Variants in MBTPS1 observed in about 807,000 individuals in gnomAD.
MBTPS1 encodes the protein membrane-bound transcription factor site-1 protease.
A neutral mutation model predicts 127.8 loss-of-function variants in MBTPS1; 94 were observed. That is an observed-to-expected ratio of 0.74 (90% confidence interval 0.62 to 0.87). The LOEUF is 0.87. Among genes scored for constraint, MBTPS1 ranks in the 40% least tolerant of loss-of-function variants. The probability of loss-of-function intolerance (pLI) is 0.00; values close to 1 mark genes in which losing one functional copy is unlikely to be tolerated. For missense variants in MBTPS1, 1,636 were observed against 1,353.2 expected (o/e 1.21, Z -3.28); for synonymous variants, 632 against 509.4 (o/e 1.24, Z -3.24).
intron 1 of MBTPS1, among the ~76,000 whole-genome samples, chr16:84,110,558 A>T (rs550372132): frequency 1.3e-5 from 2 of 152,360 alleles, no homozygotes; most frequent in South Asian, 4.1e-4. Context: ...CGTCTAACAA[A>T]TCCAAAATAA....
intron 14 of MBTPS1, 46 bp from the exon 15 acceptor site, chr16:84,068,500 G>C: frequency 3.1e-6 from 4 of 1,306,684 alleles, no homozygotes; most frequent in Non-Finnish European, 4.4e-6. Flanking sequence ...ATCTTTACTG[G>C]CAATAAAGGC....
rs1597327148 is a variant in MBTPS1 at position 84,081,706 on chromosome 16, G to C, written c.1448+41C>G. On this transcript the variant is annotated intron_variant, in intron 11 of 22. Transcript: ENST00000343411. ...AGAGGGAAAATTCGCCCAGAGCCCA[G>C]TGAAGGAGAGAAAGACCCATCGGCA... 5.3e-6 allele frequency: 7 copies of C among 1,317,182 alleles called. No individual in the cohort carries two copies. In the East Asian group the frequency reaches 2.0e-4, roughly 37 times the overall value. 81.6% of individuals were successfully genotyped at this position (1,317,182 alleles called of 1,614,324 possible). A position where few individuals can be genotyped will look rare whatever the true frequency, so the allele number is the denominator to read the frequency against.
intron 1 of MBTPS1, among the ~76,000 whole-genome samples, chr16:84,116,452 G>A (rs945654837): frequency 2.0e-5 from 3 of 152,232 alleles, no homozygotes; most frequent in African/African-American, 7.2e-5. Context: ...GAGGCTCCGG[G>A]CCAGAGCAGG....
chr16:84,069,754 G>C (rs2085742704), intron 14 of MBTPS1, 112 bp downstream of exon 14: 4 of 1,030,562 alleles, frequency 3.9e-6, no homozygotes, highest in South Asian at 3.2e-5. Flanking sequence ...CGTCATCAGA[G>C]TCCAGGCTCC....
intron 2 of MBTPS1, among the ~76,000 whole-genome samples, chr16:84,100,999 C>CAAAAAAAA (rs562200642): frequency 2.9e-5 from 2 of 68,552 alleles, no homozygotes; most frequent in Admixed American, 1.7e-4. Context: ...ACTAAAAATA[C>CAAAAAAAA]AAAAAAAAAA....
chr16:84,056,339 C>G lies in MBTPS1; in HGVS notation c.2832-204G>C, dbSNP rs142404498. 3,696 of 516,452 alleles carry G rather than the reference C, an allele frequency of 7.2e-3. 21 individuals carry two copies. The highest frequency in any genetic ancestry group is 0.018 in the Middle Eastern group (34 of 1,872). The allele number at this position is 516,452 out of a possible 1,614,324, so 32.0% of individuals were successfully genotyped here. A position where few individuals can be genotyped will look rare whatever the true frequency, so the allele number is the denominator to read the frequency against. On this transcript the variant is annotated intron_variant, in intron 21 of 22. Coordinates refer to ENST00000343411, the MANE Select transcript of MBTPS1 (RefSeq NM_003791.4). ...CGTCCCGAGGGAGAAAGATCAAAAT[C>G]AAGTCCCTGTTCATGAGATTCTACT... is the stretch of plus-strand genomic sequence containing the variant.
intron 9 of MBTPS1, 61 bp downstream of exon 9, chr16:84,087,297 G>A (rs1217624099): frequency 2.3e-6 from 3 of 1,301,708 alleles, no homozygotes; most frequent in South Asian, 1.2e-5. Flanking sequence ...TCAACAACCG[G>A]TGCCACTAGC....
At chr16:84,066,157 C>A (rs2085680344) in intron 17 of MBTPS1, among the ~76,000 whole-genome samples, 1 of 152,210 alleles carries the variant, frequency 6.6e-6, no homozygotes, top group Non-Finnish European at 1.5e-5. Flanking sequence ...TGTGGGGGAA[C>A]TTCCTACACG....
At chr16:84,078,810 T>C (rs1392822284) in intron 11 of MBTPS1, among the ~76,000 whole-genome samples, 3 of 152,212 alleles carry the variant, frequency 2.0e-5, no homozygotes, top group Non-Finnish European at 4.4e-5. Flanking sequence ...GCTATCCTTC[T>C]ATGTATGTGC....
intron 1 of MBTPS1, among the ~76,000 whole-genome samples, chr16:84,106,619 G>C (rs1022726585): frequency 6.6e-6 from 1 of 152,244 alleles, no homozygotes; most frequent in East Asian, 1.9e-4. Context: ...GGGAAGGCCT[G>C]CAGGTCACAG....
At chr16:84,068,585 C>T in intron 14 of MBTPS1, 131 bp from the exon 15 acceptor site, 1 of 654,834 alleles carries the variant, frequency 1.5e-6, no homozygotes. Flanking sequence ...GGCTGGCCCA[C>T]TGGCACAGGC....
At chr16:84,091,344 G>A (rs1330561264) in intron 7 of MBTPS1, among the ~76,000 whole-genome samples, 2 of 151,960 alleles carry the variant, frequency 1.3e-5, no homozygotes, top group African/African-American at 4.8e-5. Context: ...AAATTAGCCG[G>A]GCATGGTGGT....
At chr16:84,055,743 G>A (rs149969932) in intron 22 of MBTPS1, among the ~76,000 whole-genome samples, 1 of 152,236 alleles carries the variant, frequency 6.6e-6, no homozygotes, top group African/African-American at 2.4e-5. Flanking sequence ...TGTTTAAGTA[G>A]ATCACCCAGC....
At chr16:84,101,255 G>A (rs1308740932) in intron 2 of MBTPS1, among the ~76,000 whole-genome samples, 4 of 151,824 alleles carry the variant, frequency 2.6e-5, no homozygotes, top group East Asian at 3.9e-4. Context: ...AACCGAGATC[G>A]TGCCATTGCA....
In MBTPS1 at chr16:84,068,404, C is replaced by T. The variant is rs897628296; in HGVS notation, c.2006G>A (p.Arg669Lys). ...GACCTCTACAAAGTAGCCCATGCTTCTCAGATGCTGGTACATATCCCTGAA... is the reference window on the plus strand; with the variant it reads ...GACCTCTACAAAGTAGCCCATGCTTTTCAGATGCTGGTACATATCCCTGAA... ...TNFRDMYQHL[R>K]SMGYFVEVLG... The change falls in exon 15 of 23, where the codon AGA becomes AAA. Residue 669 changes from arginine (R) to lysine (K), a missense_variant. Arg to Lys is a conservative substitution (Grantham distance 26). Transcript: ENST00000343411. 9 of 1,614,234 alleles carry T rather than the reference C, an allele frequency of 5.6e-6. No homozygotes were observed. The highest frequency in any genetic ancestry group is 1.6e-4 in the Middle Eastern group (1 of 6,062).
chr16:84,094,421 CTA>C (rs1390863163), intron 4 of MBTPS1, among the ~76,000 whole-genome samples: 1 of 152,192 alleles, frequency 6.6e-6, no homozygotes, highest in Non-Finnish European at 1.5e-5. Flanking sequence ...GTGCACTTTT[CTA>C]TAATAGTAAG....
chr16:84,084,405 A>T (rs1218637296), intron 10 of MBTPS1, among the ~76,000 whole-genome samples: 1 of 152,248 alleles, frequency 6.6e-6, no homozygotes, highest in Non-Finnish European at 1.5e-5. Context: ...TATAGAGAAC[A>T]TTAAAAGGTG....
At chr16:84,106,322 A>C (rs1159833119) in intron 1 of MBTPS1, among the ~76,000 whole-genome samples, 2 of 152,146 alleles carry the variant, frequency 1.3e-5, no homozygotes, top group African/African-American at 4.8e-5. Flanking sequence ...TAAATAAATA[A>C]GAAAACACAA....
At position 84,069,208 on chromosome 16, in the gene MBTPS1, A is replaced by G. The variant is rs2085733441; in HGVS notation, c.1955+658T>C. Among the ~76,000 whole-genome samples, 4 of 152,322 alleles carry G rather than the reference A, an allele frequency of 2.6e-5. No homozygotes were observed. The South Asian group carries it at 8.3e-4, about 32-fold the overall frequency. On this transcript the variant is annotated intron_variant, in intron 14 of 22. Transcript: ENST00000343411. The stretch of plus-strand genomic sequence containing the variant: ...CAGCATGGAGTTCAAACGTAGTCCA[A>G]ACATAAAAGCAGAAATGAGCTTGGC...
Sources: allele counts gnomAD v4.1 joint callset (sites outside exome capture counted in the v4.1 genomes callset), GRCh38; gene constraint gnomAD v4.1.1; transcripts MANE v1.5; gene names NCBI Gene and HGNC (gene_info 2026-07-23, HGNC 2026-07-21).